The following SRRM2 variants were observed in gnomAD, a reference collection of about 807,000 sequenced individuals.
SRRM2 encodes the protein serine/arginine repetitive matrix 2, also known as serine/arginine repetitive matrix protein 2.
In SRRM2, 30 loss-of-function variants were observed where a neutral mutation model predicts 213.8. The observed-to-expected ratio is 0.14, with a 90% CI of 0.10 to 0.19. SRRM2 has a LOEUF of 0.19. SRRM2 is among the 10% of genes least tolerant of loss of function. SRRM2 has a pLI of 1.00. For synonymous variants in SRRM2, 2,025 were observed against 1,377.7 expected (o/e 1.47, Z -10.40); for missense variants, 4,904 against 3,647.0 (o/e 1.34, Z -8.88).
At position 2,764,447 on chromosome 16, in the gene SRRM2, G is replaced by T; in HGVS notation, c.3919G>T (p.Gly1307Trp). Residue 1307 changes from glycine to tryptophan, a missense_variant, in exon 11 of 15, where the codon GGG (glycine) becomes TGG (tryptophan). Coordinates refer to ENST00000301740, the MANE Select transcript of SRRM2 (RefSeq NM_016333.4). ...EVPSMASSWG[G>W]PHFSPEHKEL... ...CCCTTCAATGGCCTCATCTTGGGGT[G>T]GGCCACATTTTTCTCCAGAACATAA... 1 of 1,612,838 alleles carries T rather than the reference G, an allele frequency of 6.2e-7. No homozygotes were observed. Among genetic ancestry groups the T allele is most frequent in the Non-Finnish European group, 8.5e-7 (1 of 1,179,704 alleles).
Position 2,762,396 on chromosome 16 carries a change from G to A in SRRM2, c.1868G>A (p.Arg623His), listed in dbSNP as rs775024394. Residue 623 changes from arginine to histidine, a missense_variant, in exon 11 of 15, where the codon CGC (arginine) becomes CAC (histidine). Transcript: ENST00000301740. ...TCTCGGTCTAGAACACCTGCTAGGCGCAGATCTAGGACCCGATCACCAGTA... is the reference window on the plus strand; with the variant it reads ...TCTCGGTCTAGAACACCTGCTAGGCACAGATCTAGGACCCGATCACCAGTA... ...GRSRSRTPARRRSRTRSPVRR... is the reference protein window; with the variant it reads ...GRSRSRTPARHRSRTRSPVRR... 6.8e-6 allele frequency: 11 copies of A among 1,614,074 alleles called. No homozygotes were observed. The highest frequency in any genetic ancestry group is 3.3e-5 in the South Asian group (3 of 91,076).
At chr16:2,755,257 G>C (rs1020777483) in intron 1 of SRRM2, among the ~76,000 whole-genome samples, 9 of 152,218 alleles carry the variant, frequency 5.9e-5, no homozygotes, top group Non-Finnish European at 1.0e-4. Context: ...GGGACAAGTT[G>C]AAAGGCTAGA....
chr16:2,766,849 A>G lies in SRRM2; in HGVS notation c.6321A>G (p.Val2107=). The part of the protein sequence containing the change: ...RNHSGSRTPP[V]ALNSSRMSCF... ...ATTCTGGTTCACGGACACCTCCAGT[A>G]GCACTCAACAGTTCCAGAATGAGCT... Residue 2107 remains valine (V), a synonymous_variant, in exon 11 of 15, where the codon GTA becomes GTG. Transcript: ENST00000301740. This position sits in a 1 kb window ranked among gnomAD's most constrained non-coding sequence, Gnocchi z 7.0. The G allele has an allele frequency of 6.2e-7, 1 of 1,614,198 alleles. No individual in the cohort carries two copies. Among genetic ancestry groups the G allele is most frequent in the South Asian group, 1.1e-5 (1 of 91,082 alleles).
intron 1 of SRRM2, among the ~76,000 whole-genome samples, chr16:2,753,936 C>T (rs994416826): frequency 5.9e-5 from 9 of 152,114 alleles, no homozygotes; most frequent in Non-Finnish European, 1.2e-4. Flanking sequence ...TTCTTTTTTG[C>T]ATATTTTACT....
At chr16:2,754,424 G>C (rs998214567) in intron 1 of SRRM2, among the ~76,000 whole-genome samples, 3 of 152,026 alleles carry the variant, frequency 2.0e-5, no homozygotes, top group African/African-American at 7.3e-5. Context: ...CTCTGGAGTT[G>C]CTGAGATTAC....
In SRRM2 at chr16:2,762,163, C is replaced by G. The variant is rs779186886; in HGVS notation, c.1635C>G (p.Ser545Arg). The change falls in exon 11 of 15, where the codon AGC becomes AGG. Residue 545 changes from serine to arginine, a missense_variant. Transcript: ENST00000301740. ...CTCAGCGACCAGGCTGGTCTAGGAG[C>G]AGAAATACCCAGAGAAGAGGCAGGT... ...RSPQRPGWSR[S>R]RNTQRRGRSR... is the part of the protein sequence containing the mutation. 3 of 1,614,104 alleles carry G rather than the reference C, an allele frequency of 1.9e-6. No homozygotes were observed. The East Asian group carries it at 6.7e-5, about 36-fold the overall frequency.
At chr16:2,769,504 C>G (rs940815837) in intron 12 of SRRM2, 2 of 631,480 alleles carry the variant, frequency 3.2e-6, no homozygotes, top group Admixed American at 5.0e-5. Flanking sequence ...CCAGGGGGTC[C>G]TTGGTTTCTT....
At chr16:2,759,683 A>C in intron 9 of SRRM2, 22 bp downstream of exon 9, 1 of 1,591,696 alleles carries the variant, frequency 6.3e-7, no homozygotes, top group Non-Finnish European at 8.6e-7. Flanking sequence ...TCCAGGAGGA[A>C]GGGAGGGAGA....
rs186863441 is a variant in SRRM2 at position 2,764,676 on chromosome 16, G to T, written c.4148G>T (p.Ser1383Ile). 2 of 1,614,090 alleles carry T rather than the reference G, an allele frequency of 1.2e-6. No individual in the cohort carries two copies. Among genetic ancestry groups the T allele is most frequent in the Non-Finnish European group, 1.7e-6 (2 of 1,180,042 alleles). The change falls in exon 11 of 15, where the codon AGT becomes ATT. Residue 1383 changes from serine (S) to isoleucine (I), a missense_variant. Physicochemically the swap from Ser to Ile is moderately radical, Grantham distance 142. Transcript: ENST00000301740. ...EQSTRSSGHSSSELSPDAVEK... is the reference protein window; with the variant it reads ...EQSTRSSGHSISELSPDAVEK... ...TCGACAAGATCCTCTGGACACAGCA[G>T]TTCTGAGTTATCCCCAGATGCAGTG...
In SRRM2 at chr16:2,756,494, C is replaced by T. The variant is rs1473580114; in HGVS notation, c.130C>T (p.Arg44Cys). ...PDYKGEEELR[R>C]LEAALVKRPN... ...CTACAAGGGAGAGGAGGAACTGCGGCGCCTGGAGGCTGCCCTGGTGAAGCG... is the reference window on the plus strand; with the variant it reads ...CTACAAGGGAGAGGAGGAACTGCGGTGCCTGGAGGCTGCCCTGGTGAAGCG... The change falls in exon 2 of 15, where the codon CGC becomes TGC. Residue 44 changes from arginine to cysteine, a missense_variant. By Grantham distance (180) the Arg-to-Cys change is radical (BLOSUM62 -3). Transcript: ENST00000301740. 6.2e-6 allele frequency: 10 copies of T among 1,613,866 alleles called. No homozygotes were observed. Among genetic ancestry groups the T allele is most frequent in the African/African-American group, 4.0e-5 (3 of 74,920 alleles).
At chr16:2,757,091 C>G (rs953380227) in intron 2 of SRRM2, among the ~76,000 whole-genome samples, 2 of 152,112 alleles carry the variant, frequency 1.3e-5, no homozygotes, top group Admixed American at 6.5e-5. Flanking sequence ...CCCATTAAGG[C>G]AGAAAACTCT....
At position 2,770,650 on chromosome 16, in the gene SRRM2, C is replaced by G; in HGVS notation, c.8182C>G (p.Arg2728Gly). Reference protein sequence around the residue: ...GSRRGQRGDSRSPSHKRRRET... With the variant: ...GSRRGQRGDSGSPSHKRRRET... Reference sequence around the variant, plus strand: ...CCGGAGAGGCCAGCGTGGGGACAGCCGCTCCCCCAGCCACAAGCGCAGGAG... The same window carrying G: ...CCGGAGAGGCCAGCGTGGGGACAGCGGCTCCCCCAGCCACAAGCGCAGGAG... Residue 2728 changes from arginine (R) to glycine (G), a missense_variant, in exon 14 of 15, where the codon CGC becomes GGC. Coordinates refer to ENST00000301740, the MANE Select transcript of SRRM2 (RefSeq NM_016333.4). The G allele has an allele frequency of 5.2e-6, 8 of 1,552,462 alleles. No homozygotes were observed. Among genetic ancestry groups the G allele is most frequent in the Non-Finnish European group, 6.1e-6 (7 of 1,147,776 alleles).
chr16:2,759,961 C>T (rs1266070942), intron 9 of SRRM2: 2 of 536,266 alleles, frequency 3.7e-6, no homozygotes, highest in South Asian at 2.3e-5. Flanking sequence ...AATCCTTACC[C>T]TGGCTTCCTT....
chr16:2,770,291 T>C (rs1438864071), intron 12 of SRRM2, 61 bp from the exon 13 acceptor site: 3 of 1,500,178 alleles, frequency 2.0e-6, no homozygotes, highest in East Asian at 5.0e-5. Flanking sequence ...CGGGTGGTCC[T>C]GAGTGCTGGC....
Position 2,763,315 on chromosome 16 carries a change from C to T in SRRM2, c.2787C>T (p.Ser929=), listed in dbSNP as rs137907192. Residue 929 remains serine (S), a synonymous_variant, in exon 11 of 15, where the codon AGC becomes AGT. Transcript: ENST00000301740. ...CAATAATATCACCAAGACAAAGAAG[C>T]CATTCTGGCTCCTCTTCTCCAAGTC... ...VKAIISPRQR[S]HSGSSSPSPS... 7,181 of 1,614,136 alleles carry T rather than the reference C, an allele frequency of 4.4e-3. 34 individuals carry two copies. Among genetic ancestry groups the T allele is most frequent in the Non-Finnish European group, 5.8e-3 (6,822 of 1,180,024 alleles).
In SRRM2 at chr16:2,762,445, A is replaced by G; in HGVS notation, c.1917A>G (p.Ser639=). The G allele has an allele frequency of 6.2e-7, 1 of 1,613,468 alleles. No individual in the cohort carries two copies. Among genetic ancestry groups the G allele is most frequent in the South Asian group, 1.1e-5 (1 of 91,060 alleles). ...SPVRRRSRSR[S]PARRSGRSRS... The stretch of plus-strand genomic sequence containing the variant: ...TACGACGCAGGTCTCGTAGTAGATC[A>G]CCAGCCAGGAGAAGTGGCAGGTCAC... Residue 639 remains serine, a synonymous_variant, in exon 11 of 15, where the codon TCA becomes TCG. Coordinates refer to ENST00000301740, the MANE Select transcript of SRRM2 (RefSeq NM_016333.4).
rs777932696 is a variant in SRRM2, at chr16:2,770,366, G to A, written c.8036G>A (p.Arg2679Gln). Residue 2679 changes from arginine (R) to glutamine (Q), a missense_variant, in exon 13 of 15, where the codon CGG becomes CAG. Transcript: ENST00000301740. ...PPGERRSRSP[R>Q]KPIDSLRDSR... ...GTGTTCCCCAGGTCCCGCAGCCCCCGGAAGCCAATAGACTCCCTCAGGGAC... is the reference window on the plus strand; with the variant it reads ...GTGTTCCCCAGGTCCCGCAGCCCCCAGAAGCCAATAGACTCCCTCAGGGAC... 23 of 1,602,936 alleles carry A rather than the reference G, an allele frequency of 1.4e-5. No homozygotes were observed. Among genetic ancestry groups the A allele is most frequent in the Non-Finnish European group, 1.7e-5 (20 of 1,174,908 alleles).
Position 2,769,015 on chromosome 16 carries a change from A to G in SRRM2, c.7752A>G (p.Pro2584=), listed in dbSNP as rs1466804768. The change falls in exon 12 of 15, where the codon CCA becomes CCG. Residue 2584 remains proline (P), a synonymous_variant. Transcript: ENST00000301740. ...CCCACAGGGTCCCCAGCCCCACCCC[A>G]GCCCCAAAGGAGGCTGTTCGAGAGG... is the stretch of plus-strand genomic sequence containing the variant. ...VALKRVPSPT[P]APKEAVREGR... is the part of the protein sequence containing the mutation. 6.2e-7 allele frequency: 1 copy of G among 1,613,740 alleles called. No homozygotes were observed. Among genetic ancestry groups the G allele is most frequent in the Non-Finnish European group, 8.5e-7 (1 of 1,179,952 alleles).
At position 2,770,367 on chromosome 16, in the gene SRRM2, G is replaced by A. The variant is rs1464545198; in HGVS notation, c.8037G>A (p.Arg2679=). ...TGTTCCCCAGGTCCCGCAGCCCCCG[G>A]AAGCCAATAGACTCCCTCAGGGACT... ...PPGERRSRSP[R]KPIDSLRDSR... is the part of the protein sequence containing the mutation. Residue 2679 remains arginine, a synonymous_variant, in exon 13 of 15, where the codon CGG becomes CGA. Transcript: ENST00000301740. The A allele has an allele frequency of 5.0e-6, 8 of 1,603,666 alleles. No homozygotes were observed. Among genetic ancestry groups the A allele is most frequent in the Non-Finnish European group, 1.7e-6 (2 of 1,175,282 alleles).
Sources: allele counts gnomAD v4.1 joint callset (sites outside exome capture counted in the v4.1 genomes callset), GRCh38; gene constraint gnomAD v4.1.1; non-coding constraint Gnocchi (gnomAD v3.1); transcripts MANE v1.5; gene names NCBI Gene and HGNC (gene_info 2026-07-23, HGNC 2026-07-21).